Variants in PYDC1 observed in about 807,000 individuals in gnomAD.
PYDC1 encodes pyrin domain containing 1, also known as pyrin domain-containing protein 1.
Under a neutral mutation model 0.7 loss-of-function variants are expected in PYDC1, and 1 was observed. That is an observed-to-expected ratio of 1.39 (90% confidence interval 0.49 to 6.61). The LOEUF (loss-of-function observed/expected upper bound fraction) is 6.61, where lower values mean the gene tolerates loss of function less well. PYDC1 is among the 30% of genes most tolerant of loss of function. PYDC1 has a pLI of 0.14. For synonymous variants in PYDC1, 37 were observed against 60.9 expected (o/e 0.61, Z 1.83); for missense variants, 129 against 124.8 (o/e 1.03, Z -0.16).
In PYDC1 at chr16:31,216,767, C is replaced by A. The variant is rs1348934075; in HGVS notation, c.262G>T (p.Ala88Ser). The A allele has an allele frequency of 6.2e-6, 10 of 1,600,552 alleles. No homozygotes were observed. The highest frequency in any genetic ancestry group is 8.5e-6 in the Non-Finnish European group (10 of 1,170,464). The change falls in exon 1 of 2, where the codon GCT becomes TCT. Residue 88 changes from alanine (A) to serine (S), a missense_variant. Ala to Ser is a moderately conservative substitution (Grantham distance 99, BLOSUM62 1). Coordinates refer to ENST00000302964, the MANE Select transcript of PYDC1 (RefSeq NM_152901.4). This position sits in a 1 kb window ranked among gnomAD's most constrained non-coding sequence, Gnocchi z 6.7. The stretch of plus-strand genomic sequence containing the variant: ...CCAGCTCAGAGTGGCCCTCACGCAG[C>A]CCGCTGCAGCCGTGCGGCCTCCTCC... ...MLEEAARLQR[A>S]A is the part of the protein sequence containing the mutation.
chr16:31,216,733 G>A lies in PYDC1; in HGVS notation c.*16+10C>T. 6.3e-7 allele frequency: 1 copy of A among 1,579,372 alleles called. No homozygotes were observed. The highest frequency in any genetic ancestry group is 1.7e-5 in the Admixed American group (1 of 58,496). On this transcript the variant is annotated intron_variant, in intron 1 of 1. Transcript: ENST00000302964. This position sits in a 1 kb window ranked among gnomAD's most constrained non-coding sequence, Gnocchi z 6.7. ...GCGAGGAAGCGGGGTTGGGTCCCGA[G>A]ATCACGTACCAGCTCAGAGTGGCCC...
In PYDC1 at chr16:31,217,116, G is replaced by T; in HGVS notation, c.-88C>A. On this transcript the variant is annotated 5_prime_UTR_variant, in exon 1 of 2. Transcript: ENST00000302964. ...AGCAGGTGGAGCTGCCGCCCCCGGGGATGTCCCGGGAAGGAGACTGATCTG... is the reference window on the plus strand; with the variant it reads ...AGCAGGTGGAGCTGCCGCCCCCGGGTATGTCCCGGGAAGGAGACTGATCTG... 1.4e-6 allele frequency: 2 copies of T among 1,386,102 alleles called. No individual in the cohort carries two copies. Among genetic ancestry groups the T allele is most frequent in the South Asian group, 1.3e-5 (1 of 74,262 alleles). 85.9% of individuals were successfully genotyped at this position (1,386,102 alleles called of 1,614,324 possible).
At position 31,216,933 on chromosome 16, in the gene PYDC1, C is replaced by T. The variant is rs140415359; in HGVS notation, c.96G>A (p.Leu32=). 48 of 1,614,036 alleles carry T rather than the reference C, an allele frequency of 3.0e-5. No individual in the cohort carries two copies. In the African/African-American group the frequency reaches 4.4e-4, roughly 15 times the overall value. ...GCGGGATGCGCTCAAAGCCCTCGCG[C>T]AGCGGCACCGTCCCCAGCTTCATCT... The part of the protein sequence containing the change: ...KFKMKLGTVP[L]REGFERIPRG... Residue 32 remains leucine (L), a synonymous_variant, in exon 1 of 2, where the codon CTG becomes CTA. Coordinates refer to ENST00000302964, the MANE Select transcript of PYDC1 (RefSeq NM_152901.4). This position sits in a 1 kb window ranked among gnomAD's most constrained non-coding sequence, Gnocchi z 6.7.
rs754047946 is a variant in PYDC1, at chr16:31,216,942, C to G, written c.87G>C (p.Thr29=). ...ELKKFKMKLG[T]VPLREGFERI... ...GCTCAAAGCCCTCGCGCAGCGGCACCGTCCCCAGCTTCATCTTGAACTTCT... is the reference window on the plus strand; with the variant it reads ...GCTCAAAGCCCTCGCGCAGCGGCACGGTCCCCAGCTTCATCTTGAACTTCT... The change falls in exon 1 of 2, where the codon ACG becomes ACC. Residue 29 remains threonine (T), a synonymous_variant. Transcript: ENST00000302964. This position sits in a 1 kb window ranked among gnomAD's most constrained non-coding sequence, Gnocchi z 6.7. 5 of 1,614,150 alleles carry G rather than the reference C, an allele frequency of 3.1e-6. No homozygotes were observed. In the South Asian group the frequency reaches 5.5e-5, roughly 18 times the overall value.
Position 31,216,494 on chromosome 16 carries a change from A to G in PYDC1, c.*16+249T>C, listed in dbSNP as rs1288507691. 1 of 416,716 alleles carries G rather than the reference A, an allele frequency of 2.4e-6. No homozygotes were observed. 25.8% of individuals were successfully genotyped at this position (416,716 alleles called of 1,614,324 possible). A position where few individuals can be genotyped will look rare whatever the true frequency, so the allele number is the denominator to read the frequency against. ...CAACCTTGCCCGTCTTTATCTGCGAAGAAAGCACAGAACCCATGAAACGGA... is the reference window on the plus strand; with the variant it reads ...CAACCTTGCCCGTCTTTATCTGCGAGGAAAGCACAGAACCCATGAAACGGA... On this transcript the variant is annotated intron_variant, in intron 1 of 1. Coordinates refer to ENST00000302964, the MANE Select transcript of PYDC1 (RefSeq NM_152901.4). This position sits in a 1 kb window ranked among gnomAD's most constrained non-coding sequence, Gnocchi z 6.7.
rs983695872 is a variant in PYDC1 at position 31,216,596 on chromosome 16, A to G, written c.*16+147T>C. On this transcript the variant is annotated intron_variant, in intron 1 of 1. Transcript: ENST00000302964. The surrounding 1 kb of genome is among the most constrained non-coding windows in gnomAD (Gnocchi z 6.7). ...AGCCCACCAGGGTTCGCGGCAGCCC[A>G]GCCCTTCGCCCCCGGGAGGGGCTGG... The G allele has an allele frequency of 3.8e-5, 32 of 837,064 alleles. No homozygotes were observed. Among genetic ancestry groups the G allele is most frequent in the Non-Finnish European group, 5.9e-5 (32 of 541,224 alleles). 51.9% of individuals were successfully genotyped at this position (837,064 alleles called of 1,614,324 possible). A position where few individuals can be genotyped will look rare whatever the true frequency, so the allele number is the denominator to read the frequency against.
rs961293200 is a variant in PYDC1, at chr16:31,216,623, C to T, written c.*16+120G>A. On this transcript the variant is annotated intron_variant, in intron 1 of 1. Coordinates refer to ENST00000302964, the MANE Select transcript of PYDC1 (RefSeq NM_152901.4). This position sits in a 1 kb window ranked among gnomAD's most constrained non-coding sequence, Gnocchi z 6.7. ...CCCTTCGCCCCCGGGAGGGGCTGGC[C>T]GGAGGTCTGAGGGAGGACCCCAGGA... The T allele has an allele frequency of 3.0e-5, 32 of 1,076,056 alleles. 1 individual carries two copies. In the Admixed American group the frequency reaches 6.2e-4, roughly 21 times the overall value. The allele number at this position is 1,076,056 out of a possible 1,614,324, so 66.7% of individuals were successfully genotyped here.
In PYDC1 at chr16:31,216,436, A is replaced by AAC; in HGVS notation, c.*17-280_*17-279insGT. The AAC allele has an allele frequency of 2.8e-6, 1 of 352,824 alleles. No homozygotes were observed. Among genetic ancestry groups the AAC allele is most frequent in the Non-Finnish European group, 5.1e-6 (1 of 194,996 alleles). The allele number at this position is 352,824 out of a possible 1,614,324, so 21.9% of individuals were successfully genotyped here. On this transcript the variant is annotated intron_variant, in intron 1 of 1. Transcript: ENST00000302964. The surrounding 1 kb of genome is among the most constrained non-coding windows in gnomAD (Gnocchi z 6.7). ...CTTGCTGCCGCTAAAAAAAAAACAA[A>AAC]AAACAAACAAACAAAAAAAACCCAA...
chr16:31,217,037 C>A lies in PYDC1; in HGVS notation c.-9G>T. The A allele has an allele frequency of 7.5e-6, 12 of 1,606,554 alleles. No homozygotes were observed. Among genetic ancestry groups the A allele is most frequent in the Non-Finnish European group, 1.0e-5 (12 of 1,174,066 alleles). Reference sequence around the variant, plus strand: ...TCGCGCTTCGTTCCCATGGCTCAGCCCTGCGCCTCTGAGCCTCCGAGGGCC... The same window carrying A: ...TCGCGCTTCGTTCCCATGGCTCAGCACTGCGCCTCTGAGCCTCCGAGGGCC... On this transcript the variant is annotated 5_prime_UTR_variant, in exon 1 of 2. Transcript: ENST00000302964.
In PYDC1 at chr16:31,216,450, A is replaced by G. The variant is rs2079509035; in HGVS notation, c.*16+293T>C. ...AAAAAAAACAAAAAACAAACAAACA[A>G]AAAAAACCCAACCTCGCCCAACCTT... On this transcript the variant is annotated intron_variant, in intron 1 of 1. Transcript: ENST00000302964. This position sits in a 1 kb window ranked among gnomAD's most constrained non-coding sequence, Gnocchi z 6.7. The G allele has an allele frequency of 5.2e-6, 2 of 383,118 alleles. No individual in the cohort carries two copies. The highest frequency in any genetic ancestry group is 9.3e-6 in the Non-Finnish European group (2 of 214,510). The allele number at this position is 383,118 out of a possible 1,614,324, so 23.7% of individuals were successfully genotyped here. A position where few individuals can be genotyped will look rare whatever the true frequency, so the allele number is the denominator to read the frequency against.
At position 31,216,478 on chromosome 16, in the gene PYDC1, C is replaced by T. The variant is rs1218167204; in HGVS notation, c.*16+265G>A. ...AAAACCCAACCTCGCCCAACCTTGC[C>T]CGTCTTTATCTGCGAAGAAAGCACA... On this transcript the variant is annotated intron_variant, in intron 1 of 1. Transcript: ENST00000302964. The surrounding 1 kb of genome is among the most constrained non-coding windows in gnomAD (Gnocchi z 6.7). The T allele has an allele frequency of 1.7e-5, 7 of 408,026 alleles. No homozygotes were observed. In the Admixed American group the frequency reaches 1.8e-4, roughly 10 times the overall value. 25.3% of individuals were successfully genotyped at this position (408,026 alleles called of 1,614,324 possible). A position where few individuals can be genotyped will look rare whatever the true frequency, so the allele number is the denominator to read the frequency against.
Position 31,216,966 on chromosome 16 carries a change from C to G in PYDC1, c.63G>C (p.Lys21Asn). 6 of 1,614,160 alleles carry G rather than the reference C, an allele frequency of 3.7e-6. No individual in the cohort carries two copies. The highest frequency in any genetic ancestry group is 5.1e-6 in the Non-Finnish European group (6 of 1,180,012). The change falls in exon 1 of 2, where the codon AAG becomes AAC. Residue 21 changes from lysine to asparagine, a missense_variant. Coordinates refer to ENST00000302964, the MANE Select transcript of PYDC1 (RefSeq NM_152901.4). This position sits in a 1 kb window ranked among gnomAD's most constrained non-coding sequence, Gnocchi z 6.7. ...VLENLTPEEL[K>N]KFKMKLGTVP... ...CCGTCCCCAGCTTCATCTTGAACTT[C>G]TTGAGCTCCTCCGGTGTCAGGTTCT...
In PYDC1 at chr16:31,216,514, A is replaced by G. The variant is rs2079509358; in HGVS notation, c.*16+229T>C. The G allele has an allele frequency of 2.0e-6, 1 of 495,008 alleles. No individual in the cohort carries two copies. The allele number at this position is 495,008 out of a possible 1,614,324, so 30.7% of individuals were successfully genotyped here. On this transcript the variant is annotated intron_variant, in intron 1 of 1. Transcript: ENST00000302964. The surrounding 1 kb of genome is among the most constrained non-coding windows in gnomAD (Gnocchi z 6.7). Reference sequence around the variant, plus strand: ...TGCGAAGAAAGCACAGAACCCATGAAACGGAACAGGGCCCAGGCAGCCCAG... The same window carrying G: ...TGCGAAGAAAGCACAGAACCCATGAGACGGAACAGGGCCCAGGCAGCCCAG...
In PYDC1 at chr16:31,216,449, A is replaced by C. The variant is rs766200142; in HGVS notation, c.*17-292T>G. 61 of 361,490 alleles carry C rather than the reference A, an allele frequency of 1.7e-4. 2 individuals carry two copies. Among genetic ancestry groups the C allele is most frequent in the Admixed American group, 1.0e-3 (22 of 21,500 alleles). The allele number at this position is 361,490 out of a possible 1,614,324, so 22.4% of individuals were successfully genotyped here. ...AAAAAAAAACAAAAAACAAACAAAC[A>C]AAAAAAACCCAACCTCGCCCAACCT... is the stretch of plus-strand genomic sequence containing the variant. On this transcript the variant is annotated intron_variant, in intron 1 of 1. Transcript: ENST00000302964. The surrounding 1 kb of genome is among the most constrained non-coding windows in gnomAD (Gnocchi z 6.7).
At position 31,216,704 on chromosome 16, in the gene PYDC1, C is replaced by G; in HGVS notation, c.*16+39G>C. ...CTGGGCGGGACCTGACGCGTGGGTC[C>G]TTGGCGAGGAAGCGGGGTTGGGTCC... On this transcript the variant is annotated intron_variant, in intron 1 of 1. Coordinates refer to ENST00000302964, the MANE Select transcript of PYDC1 (RefSeq NM_152901.4). The surrounding 1 kb of genome is among the most constrained non-coding windows in gnomAD (Gnocchi z 6.7). 6.4e-7 allele frequency: 1 copy of G among 1,554,386 alleles called. No homozygotes were observed. The highest frequency in any genetic ancestry group is 1.3e-5 in the African/African-American group (1 of 74,106).
chr16:31,216,832 G>T lies in PYDC1; in HGVS notation c.197C>A (p.Ala66Asp). The change falls in exon 1 of 2, where the codon GCC (alanine) becomes GAC (aspartate). Residue 66 changes from alanine (A) to aspartate (D), a missense_variant. Transcript: ENST00000302964. The surrounding 1 kb of genome is among the most constrained non-coding windows in gnomAD (Gnocchi z 6.7). Reference protein sequence around the residue: ...LVASYYEDYAAELVVAVLRDM... With the variant: ...LVASYYEDYADELVVAVLRDM... ...GCGCAGCACGGCCACGACGAGCTCGGCTGCGTAGTCCTCGTAGTAGGAGGC... is the reference window on the plus strand; with the variant it reads ...GCGCAGCACGGCCACGACGAGCTCGTCTGCGTAGTCCTCGTAGTAGGAGGC... 6.2e-7 allele frequency: 1 copy of T among 1,613,620 alleles called. No individual in the cohort carries two copies. The highest frequency in any genetic ancestry group is 8.5e-7 in the Non-Finnish European group (1 of 1,179,896).
rs771894790 is a variant in PYDC1, at chr16:31,216,764, C to T, written c.265G>A (p.Ala89Thr). The T allele has an allele frequency of 2.5e-6, 4 of 1,599,986 alleles. No individual in the cohort carries two copies. In the East Asian group the frequency reaches 6.7e-5, roughly 27 times the overall value. ...GTACCAGCTCAGAGTGGCCCTCACG[C>T]AGCCCGCTGCAGCCGTGCGGCCTCC... is the stretch of plus-strand genomic sequence containing the variant. Reference protein sequence around the residue: ...LEEAARLQRAA With the variant: ...LEEAARLQRAT The change falls in exon 1 of 2, where the codon GCG becomes ACG. Residue 89 changes from alanine (A) to threonine (T), a missense_variant. By Grantham distance (58) the Ala-to-Thr change is moderately conservative (BLOSUM62 0). Transcript: ENST00000302964. The surrounding 1 kb of genome is among the most constrained non-coding windows in gnomAD (Gnocchi z 6.7).
At position 31,217,009 on chromosome 16, in the gene PYDC1, G is replaced by T; in HGVS notation, c.20C>A (p.Ala7Asp). The T allele has an allele frequency of 6.2e-7, 1 of 1,612,814 alleles. No individual in the cohort carries two copies. Among genetic ancestry groups the T allele is most frequent in the Non-Finnish European group, 8.5e-7 (1 of 1,178,994 alleles). ...CAGGTTCTCCAGCACCTTCAGGATG[G>T]CCTCGCGCTTCGTTCCCATGGCTCA... MGTKRE[A>D]ILKVLENLTP... The change falls in exon 1 of 2, where the codon GCC becomes GAC. Residue 7 changes from alanine (A) to aspartate (D), a missense_variant. Coordinates refer to ENST00000302964, the MANE Select transcript of PYDC1 (RefSeq NM_152901.4).
chr16:31,216,897 G>A lies in PYDC1; in HGVS notation c.132C>T (p.Leu44=), dbSNP rs74015098. The A allele has an allele frequency of 1.1e-3, 1,826 of 1,613,890 alleles. 24 individuals are homozygous for A. In the African/African-American group the frequency reaches 0.022, roughly 19 times the overall value. ...EGFERIPRGA[L]GQLDIVDLTD... is the part of the protein sequence containing the mutation. Reference sequence around the variant, plus strand: ...TGAGGTCCACGATATCTAGCTGCCCGAGCGCGCCCCGCGGGATGCGCTCAA... The same window carrying A: ...TGAGGTCCACGATATCTAGCTGCCCAAGCGCGCCCCGCGGGATGCGCTCAA... Residue 44 remains leucine, a synonymous_variant, in exon 1 of 2, where the codon CTC becomes CTT. Transcript: ENST00000302964. The surrounding 1 kb of genome is among the most constrained non-coding windows in gnomAD (Gnocchi z 6.7).
Sources: gnomAD v4.1 joint callset for allele counts on GRCh38, gnomAD v4.1.1 for gene constraint, Gnocchi (gnomAD v3.1) non-coding constraint, MANE v1.5 for transcripts, NCBI Gene and HGNC (gene_info 2026-07-23, HGNC 2026-07-21) for gene names.